KCNQ3: variants seen among roughly 807,000 people sequenced by gnomAD.
KCNQ3 encodes potassium voltage-gated channel subfamily KQT member 3.
A neutral mutation model predicts 92.5 loss-of-function variants in KCNQ3; 30 were observed. That is an observed-to-expected ratio of 0.32 (90% CI 0.24 to 0.44). The LOEUF (loss-of-function observed/expected upper bound fraction) is 0.44, where lower values mean the gene tolerates loss of function less well. Among genes scored for constraint, KCNQ3 ranks in the 20% least tolerant of loss-of-function variants. The probability of loss-of-function intolerance (pLI) is 1.00; values close to 1 mark genes in which losing one functional copy is unlikely to be tolerated. For synonymous variants in KCNQ3, 450 were observed against 468.8 expected, an observed-to-expected ratio of 0.96 and a Z score of 0.52; for missense variants, 913 against 1,140.3, an observed-to-expected ratio of 0.80 and a Z score of 2.87.
rs560515912 is a variant in KCNQ3 at position 132,426,102 on chromosome 8, G to A, written c.386+54045C>T. On this transcript the variant is annotated intron_variant, in intron 1 of 14. Transcript: ENST00000388996. ...AGGAGCCTGCATGGCGGGTGGGAAAGATCACAGGCTTTGGAGTCCAACAGC... is the reference window on the plus strand; with the variant it reads ...AGGAGCCTGCATGGCGGGTGGGAAAAATCACAGGCTTTGGAGTCCAACAGC... Among the ~76,000 whole-genome samples the A allele has an allele frequency of 4.6e-5, 7 of 152,368 alleles. No homozygotes were observed. The South Asian group carries it at 1.4e-3, about 32-fold the overall frequency.
chr8:132,273,391 G>A (rs1178996434), intron 1 of KCNQ3, among the ~76,000 whole-genome samples: 3 of 152,208 alleles, frequency 2.0e-5, no homozygotes, highest in Non-Finnish European at 4.4e-5. Flanking sequence ...GGCTGGAGTG[G>A]CTGGAATGCA....
At chr8:132,132,151 G>T in intron 14 of KCNQ3, 29 bp downstream of exon 14, 1 of 1,404,436 alleles carries the variant, frequency 7.1e-7, no homozygotes, top group Non-Finnish European at 1.0e-6. Flanking sequence ...CACAGATCCA[G>T]TTTTTGGTGA....
chr8:132,461,531 C>T (rs1439880084), intron 1 of KCNQ3, among the ~76,000 whole-genome samples: 1 of 152,146 alleles, frequency 6.6e-6, no homozygotes, highest in Non-Finnish European at 1.5e-5. Flanking sequence ...TGCCATTGCA[C>T]TCCAGCCTGG....
chr8:132,219,960 A>G (rs985409358), intron 1 of KCNQ3, among the ~76,000 whole-genome samples: 1 of 152,116 alleles, frequency 6.6e-6, no homozygotes, highest in African/African-American at 2.4e-5. Flanking sequence ...CCCCAGAAAG[A>G]TAACTGTGGC....
intron 8 of KCNQ3, among the ~76,000 whole-genome samples, chr8:132,164,160 T>C (rs1372693621): frequency 6.6e-6 from 1 of 151,982 alleles, no homozygotes; most frequent in East Asian, 1.9e-4. Context: ...TGCCTGGAAC[T>C]CCCTTCCTCT....
chr8:132,478,249 C>T (rs1220012923), intron 1 of KCNQ3, among the ~76,000 whole-genome samples: 3 of 152,160 alleles, frequency 2.0e-5, no homozygotes, highest in East Asian at 1.9e-4. Flanking sequence ...CAGTCAGTAA[C>T]AGCTTTAGCT....
At chr8:132,155,822 T>C (rs1435064815) in intron 9 of KCNQ3, among the ~76,000 whole-genome samples, 1 of 152,108 alleles carries the variant, frequency 6.6e-6, no homozygotes, top group Non-Finnish European at 1.5e-5. Flanking sequence ...CTGGCTACTC[T>C]GGGGAAGGGG....
rs750676667 is a variant in KCNQ3, at chr8:132,186,112, C to T, written c.456G>A (p.Ser152=). Residue 152 remains serine (S), a synonymous_variant, in exon 2 of 15, where the codon TCG becomes TCA. Transcript: ENST00000388996. ...TTACCAGTAACAGAAGCCAGTCTCC[C>T]GAGACAGTCTCATACTCCTTGAATG... is the stretch of plus-strand genomic sequence containing the variant. ...LTTFKEYETV[S]GDWLLLLETF... is the part of the protein sequence containing the mutation. 65 of 1,613,336 alleles carry T rather than the reference C, an allele frequency of 4.0e-5. No individual in the cohort carries two copies. The highest frequency in any genetic ancestry group is 3.6e-4 in the South Asian group (33 of 91,086).
rs112456465 is a variant in KCNQ3, at chr8:132,417,601, C to T, written c.386+62546G>A. Reference sequence around the variant, plus strand: ...AGTCTCTGTTCTGGTGACATACACACTCTATGTGCTGGGGACTTGACCACT... The same window carrying T: ...AGTCTCTGTTCTGGTGACATACACATTCTATGTGCTGGGGACTTGACCACT... On this transcript the variant is annotated intron_variant, in intron 1 of 14. Coordinates refer to ENST00000388996, the MANE Select transcript of KCNQ3 (RefSeq NM_004519.4). Among the ~76,000 whole-genome samples, 595 of 152,328 alleles carry T rather than the reference C, an allele frequency of 3.9e-3. 1 individual carries two copies. The highest frequency in any genetic ancestry group is 6.6e-3 in the Non-Finnish European group (446 of 68,032).
intron 9 of KCNQ3, among the ~76,000 whole-genome samples, chr8:132,151,879 A>G (rs903991610): frequency 3.9e-5 from 6 of 152,222 alleles, no homozygotes; most frequent in Admixed American, 6.5e-5. Context: ...GTGGTATACA[A>G]TCTTCTTTAG....
chr8:132,354,628 A>G (rs1818967184), intron 1 of KCNQ3, among the ~76,000 whole-genome samples: 1 of 152,192 alleles, frequency 6.6e-6, no homozygotes, highest in Admixed American at 6.5e-5. Context: ...CAGACTCCCC[A>G]TATCCATACT....
chr8:132,343,069 G>C (rs557324133), intron 1 of KCNQ3, among the ~76,000 whole-genome samples: 4 of 152,204 alleles, frequency 2.6e-5, no homozygotes, highest in Non-Finnish European at 5.9e-5. Context: ...AGCACACAGC[G>C]CTTCAATCCA....
At chr8:132,177,639 G>A (rs1264651159) in intron 4 of KCNQ3, among the ~76,000 whole-genome samples, 1 of 152,164 alleles carries the variant, frequency 6.6e-6, no homozygotes, top group African/African-American at 2.4e-5. Flanking sequence ...CATTTATTTT[G>A]GGAGGAGAAC....
intron 1 of KCNQ3, among the ~76,000 whole-genome samples, chr8:132,264,741 G>A (rs1451184511): frequency 6.6e-6 from 1 of 152,120 alleles, no homozygotes; most frequent in East Asian, 1.9e-4. Context: ...ACAGCCTTGG[G>A]TAAGTTATCT....
rs761923188 is a variant in KCNQ3, at chr8:132,132,276, C to T, written c.1800-12G>A. ...CATATGGTTCATTCCTAAGAAGAAG[C>T]GAACACTTCTATAAGATCATTATAT... On this transcript the variant is annotated splice_polypyrimidine_tract_variant and intron_variant, in intron 13 of 14. Coordinates refer to ENST00000388996, the MANE Select transcript of KCNQ3 (RefSeq NM_004519.4). The T allele has an allele frequency of 7.5e-6, 12 of 1,597,596 alleles. No individual in the cohort carries two copies. The highest frequency in any genetic ancestry group is 1.1e-5 in the South Asian group (1 of 90,774).
At chr8:132,198,081 A>C (rs1052266676) in intron 1 of KCNQ3, among the ~76,000 whole-genome samples, 2 of 152,160 alleles carry the variant, frequency 1.3e-5, no homozygotes, top group African/African-American at 4.8e-5. Context: ...TTCTGTGATT[A>C]GGTTACAAAA....
intron 1 of KCNQ3, among the ~76,000 whole-genome samples, chr8:132,426,335 T>C (rs1384732403): frequency 6.6e-6 from 1 of 152,214 alleles, no homozygotes; most frequent in Non-Finnish European, 1.5e-5. Context: ...GGTTCCTGCT[T>C]ATCCCTAAAT....
chr8:132,216,005 A>C (rs1814018591), intron 1 of KCNQ3, among the ~76,000 whole-genome samples: 2 of 152,226 alleles, frequency 1.3e-5, no homozygotes, highest in Non-Finnish European at 2.9e-5. Flanking sequence ...TTATCAGTAA[A>C]TATAAATGAG....
At chr8:132,286,445 T>C (rs1816682093) in intron 1 of KCNQ3, among the ~76,000 whole-genome samples, 1 of 152,260 alleles carries the variant, frequency 6.6e-6, no homozygotes, top group Non-Finnish European at 1.5e-5. Flanking sequence ...TCTTCCTCCC[T>C]ATCTGTTCCT....
Sources: gnomAD v4.1 joint callset for allele counts (sites outside exome capture counted in the v4.1 genomes callset) on GRCh38, gnomAD v4.1.1 for gene constraint, MANE v1.5 for transcripts, NCBI Gene and HGNC (gene_info 2026-07-23, HGNC 2026-07-21) for gene names.